PTPRK: variants seen among roughly 807,000 people sequenced by gnomAD.
PTPRK encodes receptor-type tyrosine-protein phosphatase kappa.
A neutral mutation model predicts 178.0 loss-of-function variants in PTPRK; 75 were observed. The ratio of observed to expected loss-of-function variants is 0.42; its 90% confidence interval spans 0.35 to 0.51. The LOEUF (loss-of-function observed/expected upper bound fraction) is 0.51. Ranked by LOEUF, PTPRK falls within the 20% of genes least tolerant of loss-of-function variation. The probability of loss-of-function intolerance (pLI) is 0.02; values close to 1 mark genes in which losing one functional copy is unlikely to be tolerated. For missense variants in PTPRK, 1,441 were observed against 1,797.8 expected, an observed-to-expected ratio of 0.80 and a Z score of 3.59; for synonymous variants, 637 against 620.6, an observed-to-expected ratio of 1.03 and a Z score of -0.39.
intron 2 of PTPRK, among the ~76,000 whole-genome samples, chr6:128,371,165 A>ACTTT: frequency 6.6e-6 from 1 of 152,180 alleles, no homozygotes; most frequent in Non-Finnish European, 1.5e-5. Context: ...CTCAAAAAAC[A>ACTTT]CTTTCTTTGT....
chr6:128,050,317 G>C (rs1778792725), intron 13 of PTPRK, among the ~76,000 whole-genome samples: 1 of 152,134 alleles, frequency 6.6e-6, no homozygotes, highest in Admixed American at 6.5e-5. Context: ...CACCTTCCTT[G>C]AGACGTATTC....
intron 1 of PTPRK, among the ~76,000 whole-genome samples, chr6:128,515,967 T>G (rs1300531796): frequency 6.6e-6 from 1 of 152,192 alleles, no homozygotes; most frequent in Non-Finnish European, 1.5e-5. Context: ...TCACATGAAT[T>G]AAATATTACC....
At chr6:128,420,218 T>C (rs1208726517) in intron 1 of PTPRK, among the ~76,000 whole-genome samples, 3 of 152,100 alleles carry the variant, frequency 2.0e-5, no homozygotes, top group Non-Finnish European at 4.4e-5. Flanking sequence ...TCATCCCAAA[T>C]AACTGAATCA....
intron 6 of PTPRK, among the ~76,000 whole-genome samples, chr6:128,216,064 G>A (rs17055450): frequency 0.017 from 2,532 of 152,154 alleles, 33 homozygotes; most frequent in African/African-American, 0.038. Flanking sequence ...TCACCTGTAC[G>A]TATTAAATAT....
At chr6:128,025,632 GGC>G (rs1774179209) in intron 13 of PTPRK, among the ~76,000 whole-genome samples, 1 of 152,166 alleles carries the variant, frequency 6.6e-6, no homozygotes, top group Non-Finnish European at 1.5e-5. Context: ...GGAACTAGAG[GGC>G]CCCAAAGCAG....
intron 1 of PTPRK, among the ~76,000 whole-genome samples, chr6:128,474,563 C>A (rs933344981): frequency 5.3e-5 from 8 of 152,024 alleles, no homozygotes; most frequent in South Asian, 2.1e-4. Context: ...AACTTAACTT[C>A]AAGAAACAAG....
intron 3 of PTPRK, among the ~76,000 whole-genome samples, chr6:128,253,709 C>T (rs1816842304): frequency 6.6e-6 from 1 of 152,202 alleles, no homozygotes; most frequent in African/African-American, 2.4e-5. Context: ...CAAACTAACA[C>T]AGTAAGTCTG....
intron 13 of PTPRK, among the ~76,000 whole-genome samples, chr6:128,017,142 C>A (rs573504162): frequency 6.6e-6 from 1 of 152,094 alleles, no homozygotes; most frequent in South Asian, 2.1e-4. Flanking sequence ...GCTACTAAGT[C>A]CATCCAAAGA....
At position 128,519,569 on chromosome 6, in the gene PTPRK, A is replaced by G. The variant is rs1231509883; in HGVS notation, c.100+690T>C. Among the ~76,000 whole-genome samples the G allele has an allele frequency of 6.6e-6, 1 of 152,198 alleles. No homozygotes were observed. Among genetic ancestry groups the G allele is most frequent in the Non-Finnish European group, 1.5e-5 (1 of 68,040 alleles). ...ACGCGCGAGTCAGGCTTCCTCCACCAGGCGCCCAGACCTCGATGCCCATGA... is the reference window on the plus strand; with the variant it reads ...ACGCGCGAGTCAGGCTTCCTCCACCGGGCGCCCAGACCTCGATGCCCATGA... On this transcript the variant is annotated intron_variant, in intron 1 of 29. Coordinates refer to ENST00000368226, the MANE Select transcript of PTPRK (RefSeq NM_002844.4). The surrounding 1 kb of genome is among the most constrained non-coding windows in gnomAD (Gnocchi z 4.3).
chr6:128,375,059 A>ATTATTG (rs146373893), intron 2 of PTPRK, among the ~76,000 whole-genome samples: 3 of 16,050 alleles, frequency 1.9e-4, no homozygotes, highest in African/African-American at 1.4e-3. Flanking sequence ...GAAACACTGC[A>ATTATTG]TTATTATTAT....
In PTPRK at chr6:127,998,786, A is replaced by T; in HGVS notation, c.2613T>A (p.Ala871=). Residue 871 remains alanine (A), a synonymous_variant, in exon 16 of 30, where the codon GCT becomes GCA. Coordinates refer to ENST00000368226, the MANE Select transcript of PTPRK (RefSeq NM_002844.4). ...TGQLHPAIRV[A]DLLQHINLMK... The stretch of plus-strand genomic sequence containing the variant: ...TGAGATTAATGTGCTGCAGTAAATC[A>T]GCTACCCTGATGGCTGGATGCAGCT... The T allele has an allele frequency of 6.2e-7, 1 of 1,610,796 alleles. No individual in the cohort carries two copies. Among genetic ancestry groups the T allele is most frequent in the Non-Finnish European group, 8.5e-7 (1 of 1,177,952 alleles).
Position 127,992,568 on chromosome 6 carries a change from GA to G in PTPRK, c.2881+104del. ...AGGAGCAGTGTTAATCAGAAGGGCT[GA>G]TTTTTTTGTTACTAAGATAAAATTT... On this transcript the variant is annotated intron_variant, in intron 19 of 29. Coordinates refer to ENST00000368226, the MANE Select transcript of PTPRK (RefSeq NM_002844.4). 4.3e-6 allele frequency: 4 copies of G among 930,618 alleles called. No individual in the cohort carries two copies. The South Asian group carries it at 6.5e-5, about 15-fold the overall frequency. 57.6% of individuals were successfully genotyped at this position (930,618 alleles called of 1,614,324 possible).
intron 3 of PTPRK, among the ~76,000 whole-genome samples, chr6:128,313,205 T>A (rs1244260545): frequency 6.6e-6 from 1 of 152,110 alleles, no homozygotes; most frequent in African/African-American, 2.4e-5. Context: ...TGTCAGCCCT[T>A]ATCTCTAAAA....
chr6:128,254,486 C>A (rs569330429), intron 3 of PTPRK, among the ~76,000 whole-genome samples: 4 of 151,980 alleles, frequency 2.6e-5, no homozygotes, highest in Non-Finnish European at 5.9e-5. Context: ...GGTGCAAACA[C>A]ACAAATATGC....
intron 8 of PTPRK, among the ~76,000 whole-genome samples, chr6:128,086,616 T>C (rs1239009876): frequency 2.0e-5 from 3 of 152,140 alleles, no homozygotes; most frequent in Non-Finnish European, 2.9e-5. Context: ...AACACTGACT[T>C]AATCAGATCA....
At chr6:128,132,703 A>C (rs145015145) in intron 7 of PTPRK, among the ~76,000 whole-genome samples, 87 of 152,372 alleles carry the variant, frequency 5.7e-4, no homozygotes, top group Admixed American at 3.3e-4. Context: ...TATCATACTC[A>C]TAATATCCTC....
At chr6:128,499,965 G>A (rs1283485925) in intron 1 of PTPRK, among the ~76,000 whole-genome samples, 1 of 152,120 alleles carries the variant, frequency 6.6e-6, no homozygotes, top group Non-Finnish European at 1.5e-5. Context: ...TCAATGCTAG[G>A]ACCAGTAAAC....
At chr6:128,323,228 A>T (rs1210022608) in intron 2 of PTPRK, among the ~76,000 whole-genome samples, 1 of 152,142 alleles carries the variant, frequency 6.6e-6, no homozygotes, top group African/African-American at 2.4e-5. Context: ...TACAAAAATG[A>T]GACTTGAACA....
intron 3 of PTPRK, among the ~76,000 whole-genome samples, chr6:128,318,859 T>A (rs145125570): frequency 6.6e-6 from 1 of 152,320 alleles, no homozygotes; most frequent in East Asian, 1.9e-4. Flanking sequence ...CCCTATTTAC[T>A]TCTATTTAGC....
Sources: allele counts gnomAD v4.1 joint callset (sites outside exome capture counted in the v4.1 genomes callset), GRCh38; gene constraint gnomAD v4.1.1; non-coding constraint Gnocchi (gnomAD v3.1); transcripts MANE v1.5; gene names NCBI Gene and HGNC (gene_info 2026-07-23, HGNC 2026-07-21).